CDK12: variants seen among roughly 807,000 people sequenced by gnomAD.
The protein encoded by CDK12 is cyclin-dependent kinase 12.
CDK12 carries 17 observed loss-of-function variants against 133.8 expected under a neutral mutation model. The ratio of observed to expected loss-of-function variants is 0.13; its 90% CI spans 0.09 to 0.19. The LOEUF (loss-of-function observed/expected upper bound fraction) is 0.19, where lower values mean the gene tolerates loss of function less well. Ranked by LOEUF, CDK12 falls within the 10% of genes least tolerant of loss-of-function variation. The pLI is 1.00. For synonymous variants in CDK12, 694 were observed against 683.6 expected (o/e 1.02, Z -0.24); for missense variants, 1,508 against 1,818.7 (o/e 0.83, Z 3.11).
chr17:39,496,230 C>T (rs926766627), intron 5 of CDK12, among the ~76,000 whole-genome samples: 2 of 152,054 alleles, frequency 1.3e-5, no homozygotes, highest in African/African-American at 4.8e-5. Context: ...GTACTTTATG[C>T]CATATCTACT....
intron 3 of CDK12, among the ~76,000 whole-genome samples, chr17:39,563,463 G>GCGC (rs781306878): frequency 3.1e-5 from 1 of 31,750 alleles, no homozygotes; most frequent in Non-Finnish European, 6.1e-5. Flanking sequence ...CTTGCTTCCC[G>GCGC]CCCCCCCCCC....
At chr17:39,493,021 G>A in intron 4 of CDK12, 131 bp downstream of exon 4, 1 of 776,492 alleles carries the variant, frequency 1.3e-6, no homozygotes, top group Admixed American at 3.0e-5. Context: ...TTTTTGAGAT[G>A]GAGTCTTGCT....
In CDK12 at chr17:39,471,650, G is replaced by C. The variant is rs768695471; in HGVS notation, c.1818G>C (p.Gln606His). Residue 606 changes from glutamine to histidine, a missense_variant, in exon 2 of 14, where the codon CAG becomes CAC. Physicochemically the swap from Gln to His is conservative, Grantham distance 24. This residue lies in a region of CDK12 where 347 missense variants were observed against 330.8 expected (regional missense o/e 1.05). Transcript: ENST00000447079. Reference protein sequence around the residue: ...SSQANSQPPVQVSVKTQVSVT... With the variant: ...SSQANSQPPVHVSVKTQVSVT... ...AGGCAAATTCTCAGCCCCCTGTACA[G>C]GTTTCTGTGAAGACTCAAGTATCTG... is the stretch of plus-strand genomic sequence containing the variant. The C allele has an allele frequency of 1.9e-6, 3 of 1,614,098 alleles. No individual in the cohort carries two copies. The highest frequency in any genetic ancestry group is 1.7e-6 in the Non-Finnish European group (2 of 1,180,010).
chr17:39,485,645 CCT>C (rs1312549121), intron 2 of CDK12, among the ~76,000 whole-genome samples: 3 of 151,782 alleles, frequency 2.0e-5, no homozygotes, highest in Non-Finnish European at 4.4e-5. Flanking sequence ...GATCTCCTGA[CCT>C]CATGATCCCC....
chr17:39,513,394 AAG>A (rs1320979332), intron 8 of CDK12, among the ~76,000 whole-genome samples: 4 of 152,224 alleles, frequency 2.6e-5, no homozygotes, highest in African/African-American at 9.6e-5. Context: ...ATGATGGAGA[AAG>A]AGCATAATTT....
intron 5 of CDK12, among the ~76,000 whole-genome samples, chr17:39,496,800 CAG>C (rs1376736220): frequency 3.3e-5 from 5 of 151,190 alleles, no homozygotes; most frequent in Admixed American, 2.0e-4. Context: ...ATTTTTGATA[CAG>C]AGTTATTTGG....
upstream of CDK12, among the ~76,000 whole-genome samples, chr17:39,544,625 C>CTTTT (rs71147355): frequency 8.2e-5 from 5 of 60,906 alleles, no homozygotes; most frequent in African/African-American, 1.2e-4. Context: ...AACAGGCGAT[C>CTTTT]TTTTTTTTTT....
chr17:39,504,957 G>A (rs945351589), intron 6 of CDK12, among the ~76,000 whole-genome samples: 2 of 149,844 alleles, frequency 1.3e-5, no homozygotes, highest in East Asian at 2.0e-4. Context: ...GGGGCCAGGC[G>A]CAGTGGCTCA....
At chr17:39,504,013 T>C (rs2052917925) in intron 6 of CDK12, among the ~76,000 whole-genome samples, 1 of 152,156 alleles carries the variant, frequency 6.6e-6, no homozygotes, top group Admixed American at 6.6e-5. Flanking sequence ...GTGCTGGAAA[T>C]AACCCAGACA....
intron 5 of CDK12, among the ~76,000 whole-genome samples, chr17:39,498,514 C>T (rs2052321431): frequency 6.6e-6 from 1 of 152,106 alleles, no homozygotes; most frequent in Admixed American, 6.6e-5. Flanking sequence ...TGAGCCGCCG[C>T]GCCCGGCCAT....
rs2053877766 is a variant in CDK12, at chr17:39,517,359, A to G, written c.2847-81A>G. Reference sequence around the variant, plus strand: ...AAGATTCCCCAGACCTCAGGAGGTAATAATTTCTGCTTCTGAAACCTCCGG... The same window carrying G: ...AAGATTCCCCAGACCTCAGGAGGTAGTAATTTCTGCTTCTGAAACCTCCGG... On this transcript the variant is annotated intron_variant, in intron 9 of 13. Transcript: ENST00000447079. The G allele has an allele frequency of 1.6e-5, 13 of 797,060 alleles. No homozygotes were observed. The South Asian group carries it at 2.0e-4, about 12-fold the overall frequency. 49.4% of individuals were successfully genotyped at this position (797,060 alleles called of 1,614,324 possible).
At chr17:39,479,255 C>T (rs2050446625) in intron 2 of CDK12, among the ~76,000 whole-genome samples, 1 of 141,416 alleles carries the variant, frequency 7.1e-6, no homozygotes, top group Admixed American at 7.7e-5. Flanking sequence ...TTGCAGTGAG[C>T]CGCGATCATG....
At chr17:39,491,701 A>ATTTTTTTTTT (rs766596742) in intron 3 of CDK12, among the ~76,000 whole-genome samples, 1 of 117,936 alleles carries the variant, frequency 8.5e-6, no homozygotes. Context: ...CTGTTTATGT[A>ATTTTTTTTTT]TTTTTTTTTT....
chr17:39,509,932 G>A (rs1208121392), intron 7 of CDK12, among the ~76,000 whole-genome samples, 171 bp downstream of exon 7: 1 of 151,876 alleles, frequency 6.6e-6, no homozygotes, highest in Non-Finnish European at 1.5e-5. Flanking sequence ...CTCACAAGTA[G>A]CTGGAACCAC....
At chr17:39,542,991 C>T (rs1285713285), upstream of CDK12, among the ~76,000 whole-genome samples, 2 of 152,162 alleles carry the variant, frequency 1.3e-5, no homozygotes, top group East Asian at 3.8e-4. Context: ...AGGAAAAGAT[C>T]CTTAGAGGCA....
In CDK12 at chr17:39,490,560, A is replaced by G; in HGVS notation, c.1935A>G (p.Pro645=). The G allele has an allele frequency of 1.2e-6, 2 of 1,605,714 alleles. No homozygotes were observed. Among genetic ancestry groups the G allele is most frequent in the Non-Finnish European group, 1.7e-6 (2 of 1,176,182 alleles). The change falls in exon 3 of 14, where the codon CCA becomes CCG. Residue 645 remains proline, a synonymous_variant. Transcript: ENST00000447079. The part of the protein sequence containing the change: ...LLPGDDDMDS[P]KETLPSKPVK... ...TCTCTTCTCATTTATTGTTTAGTCC[A>G]AAAGAAACTCTTCCTTCAAAACCTG...
Position 39,507,677 on chromosome 17 carries a change from C to G in CDK12, c.2610-2028C>G, listed in dbSNP as rs962327886. Among the ~76,000 whole-genome samples, 4 of 152,200 alleles carry G rather than the reference C, an allele frequency of 2.6e-5. No homozygotes were observed. In the South Asian group the frequency reaches 8.3e-4, roughly 31 times the overall value. On this transcript the variant is annotated intron_variant, in intron 6 of 13. Transcript: ENST00000447079. ...TAGATGCTGGTGATATTCAGGTCTA[C>G]ACTGATTTCTGTAACTATATATCCA...
chr17:39,530,422 A>G (rs946141448), intron 13 of CDK12, 182 bp from the exon 14 acceptor site: 3 of 774,240 alleles, frequency 3.9e-6, no homozygotes, highest in Admixed American at 3.5e-5. Flanking sequence ...TCCAGGATGC[A>G]ACTGTTTTAC....
chr17:39,505,914 A>G (rs115817512), intron 6 of CDK12, among the ~76,000 whole-genome samples: 194 of 152,264 alleles, frequency 1.3e-3, no homozygotes, highest in African/African-American at 4.5e-3. Flanking sequence ...AATTAAAAGG[A>G]AAGAGGAAAG....
Sources: allele counts gnomAD v4.1 joint callset (sites outside exome capture counted in the v4.1 genomes callset), GRCh38; gene constraint gnomAD v4.1.1; regional missense constraint gnomAD v4.1.1; transcripts MANE v1.5; gene names NCBI Gene and HGNC (gene_info 2026-07-23, HGNC 2026-07-21).